The following NUMA1 variants were observed in gnomAD, a reference collection of about 807,000 sequenced individuals.
The protein encoded by NUMA1 is SP-H antigen.
NUMA1 carries 62 observed loss-of-function variants against 237.1 expected under a neutral mutation model. The observed-to-expected ratio is 0.26, with a 90% CI of 0.21 to 0.32. The LOEUF is 0.32. NUMA1 is among the 10% of genes least tolerant of loss of function. The pLI is 1.00. For synonymous variants in NUMA1, 1,028 were observed against 1,066.1 expected, an observed-to-expected ratio of 0.96 and a Z score of 0.70; for missense variants, 2,533 against 2,666.5, an observed-to-expected ratio of 0.95 and a Z score of 1.10.
chr11:72,010,507 T>C (rs556787856), intron 17 of NUMA1, among the ~76,000 whole-genome samples: 21 of 152,224 alleles, frequency 1.4e-4, no homozygotes, highest in Non-Finnish European at 2.6e-4. Context: ...GCTAGTGTGA[T>C]TGAAGAACTG....
At chr11:72,006,478 T>C (rs918635150) in intron 21 of NUMA1, among the ~76,000 whole-genome samples, 1 of 152,210 alleles carries the variant, frequency 6.6e-6, no homozygotes, top group African/African-American at 2.4e-5. Flanking sequence ...CTACGCATTT[T>C]TTTCATGGAG....
chr11:72,015,361 G>A lies in NUMA1; in HGVS notation c.2142C>T (p.Thr714=), dbSNP rs1330885598. ...GCTTCTCCTCTTCAAGGCTGCCCTT[G>A]GTGACCTTCAAGGACTCTTTGAGGG... ...LQALKESLKV[T]KGSLEEEKRR... is the part of the protein sequence containing the mutation. Residue 714 remains threonine, a synonymous_variant, in exon 15 of 27, where the codon ACC becomes ACT. Transcript: ENST00000393695. The surrounding 1 kb of genome is among the most constrained non-coding windows in gnomAD (Gnocchi z 4.0). The A allele has an allele frequency of 6.2e-7, 1 of 1,612,998 alleles. No homozygotes were observed. Among genetic ancestry groups the A allele is most frequent in the Admixed American group, 1.7e-5 (1 of 60,038 alleles).
intron 22 of NUMA1, chr11:72,005,810 G>T: frequency 1.8e-6 from 1 of 566,208 alleles, no homozygotes; most frequent in African/African-American, 1.9e-5. Flanking sequence ...AATTGTGCTG[G>T]GAATCCCGGG....
In NUMA1 at chr11:72,004,917, C is replaced by T. The variant is rs535763868; in HGVS notation, c.5830-101G>A. 132 of 1,194,598 alleles carry T rather than the reference C, an allele frequency of 1.1e-4. No individual in the cohort carries two copies. The Middle Eastern group carries it at 3.0e-3, about 27-fold the overall frequency. 74.0% of individuals were successfully genotyped at this position (1,194,598 alleles called of 1,614,324 possible). A position where few individuals can be genotyped will look rare whatever the true frequency, so the allele number is the denominator to read the frequency against. On this transcript the variant is annotated intron_variant, in intron 23 of 26. Coordinates refer to ENST00000393695, the MANE Select transcript of NUMA1 (RefSeq NM_006185.4). Reference sequence around the variant, plus strand: ...TCTACACTCGCCCGACACTTATGGTCGGGACCCTTCCTGCCTCACGAGGTA... The same window carrying T: ...TCTACACTCGCCCGACACTTATGGTTGGGACCCTTCCTGCCTCACGAGGTA...
chr11:72,017,467 G>A (rs1251465152), intron 13 of NUMA1: 3 of 583,448 alleles, frequency 5.1e-6, no homozygotes, highest in African/African-American at 3.8e-5. Context: ...GGATTGAAAG[G>A]TGTACTATAA....
intron 1 of NUMA1, among the ~76,000 whole-genome samples, chr11:72,074,696 G>A (rs1422210014): frequency 6.6e-6 from 1 of 152,244 alleles, no homozygotes; most frequent in African/African-American, 2.4e-5. Flanking sequence ...CTATGATGAC[G>A]CCACTGCACT....
At position 72,006,071 on chromosome 11, in the gene NUMA1, G is replaced by T; in HGVS notation, c.5656C>A (p.Arg1886Ser). The change falls in exon 22 of 27, where the codon CGT becomes AGT. Residue 1886 changes from arginine to serine, a missense_variant. Transcript: ENST00000393695. ...CCACTGGACACCCCGGCCTGGGAACGACGAGCAGAACTGCGAGTGGTGGGG... is the reference window on the plus strand; with the variant it reads ...CCACTGGACACCCCGGCCTGGGAACTACGAGCAGAACTGCGAGTGGTGGGG... ...YRPTTRSSAR[R>S]SQAGVSSGAP... The T allele has an allele frequency of 6.2e-7, 1 of 1,613,622 alleles. No homozygotes were observed. The highest frequency in any genetic ancestry group is 1.1e-5 in the South Asian group (1 of 91,052).
At chr11:72,059,196 A>G (rs1028298139) in intron 2 of NUMA1, among the ~76,000 whole-genome samples, 1 of 152,198 alleles carries the variant, frequency 6.6e-6, no homozygotes, top group Non-Finnish European at 1.5e-5. Flanking sequence ...CATACCATAT[A>G]ATATGTTCTG....
intron 1 of NUMA1, among the ~76,000 whole-genome samples, chr11:72,073,577 C>T (rs993951415): frequency 8.5e-5 from 13 of 152,126 alleles, no homozygotes; most frequent in Non-Finnish European, 1.2e-4. Flanking sequence ...CAGGGGAGAA[C>T]AAGAAAACTT....
chr11:72,021,225 G>C lies in NUMA1; in HGVS notation c.439C>G (p.Leu147Val). 3 of 1,614,082 alleles carry C rather than the reference G, an allele frequency of 1.9e-6. No individual in the cohort carries two copies. Among genetic ancestry groups the C allele is most frequent in the Non-Finnish European group, 2.5e-6 (3 of 1,179,916 alleles). Reference sequence around the variant, plus strand: ...TTACCTTTCTGTAGGAAGTTCTCTAGGTCCTCATTAAGGTTTAGCCCGTCC... The same window carrying C: ...TTACCTTTCTGTAGGAAGTTCTCTACGTCCTCATTAAGGTTTAGCCCGTCC... ...HEDGLNLNED[L>V]ENFLQKAPVP... is the part of the protein sequence containing the mutation. Residue 147 changes from leucine (L) to valine (V), a missense_variant, in exon 8 of 27, where the codon CTA (leucine) becomes GTA (valine). Around this residue, in one of 3 missense-constraint regions of NUMA1, gnomAD observed 1,414 missense variants for 1,508.1 expected, o/e 0.94. Transcript: ENST00000393695.
At chr11:72,061,705 C>T (rs1425570235) in intron 2 of NUMA1, among the ~76,000 whole-genome samples, 3 of 151,758 alleles carry the variant, frequency 2.0e-5, no homozygotes, top group African/African-American at 7.3e-5. Context: ...TGCCTAAGCT[C>T]ATCTCAAACT....
At chr11:72,057,966 G>T (rs1942752411) in intron 2 of NUMA1, among the ~76,000 whole-genome samples, 2 of 151,536 alleles carry the variant, frequency 1.3e-5, no homozygotes, top group African/African-American at 4.8e-5. Context: ...AGCTACTAGG[G>T]AGGCTGAGGC....
In NUMA1 at chr11:72,012,943, C is replaced by G. The variant is rs377260378; in HGVS notation, c.4560G>C (p.Leu1520=). ...CTTCCTGGAACCGCTGCCTCTCCTC[C>G]AGGACCTTGACCTTGGCACCCTCAT... ...AKYEGAKVKV[L]EERQRFQEER... Residue 1520 remains leucine (L), a synonymous_variant, in exon 15 of 27, where the codon CTG becomes CTC. Transcript: ENST00000393695. 118 of 1,614,088 alleles carry G rather than the reference C, an allele frequency of 7.3e-5. No individual in the cohort carries two copies. The highest frequency in any genetic ancestry group is 1.2e-5 in the Non-Finnish European group (14 of 1,180,054).
intron 6 of NUMA1, 43 bp downstream of exon 6, chr11:72,023,022 C>T (rs749751591): frequency 5.4e-6 from 8 of 1,481,020 alleles, no homozygotes; most frequent in Non-Finnish European, 5.7e-6. Context: ...GTACCATCAC[C>T]CCAACCCTGC....
At chr11:72,018,055 T>C (rs1416397341) in intron 12 of NUMA1, 128 bp downstream of exon 12, 1 of 915,920 alleles carries the variant, frequency 1.1e-6, no homozygotes, top group South Asian at 1.5e-5. Flanking sequence ...GGGCAAAATA[T>C]GCAGGTCTCT....
intron 13 of NUMA1, 164 bp from the exon 14 acceptor site, chr11:72,016,694 A>AG: frequency 1.3e-6 from 1 of 783,160 alleles, no homozygotes; most frequent in African/African-American, 1.7e-5. Flanking sequence ...TGGGAGCATG[A>AG]GGGACCTGAT....
At chr11:72,032,569 A>T (rs917991793) in intron 3 of NUMA1, among the ~76,000 whole-genome samples, 1 of 152,238 alleles carries the variant, frequency 6.6e-6, no homozygotes, top group Non-Finnish European at 1.5e-5. Flanking sequence ...ATCCAGCCAC[A>T]GTTCCTTTCA....
chr11:72,036,478 T>C (rs963864210), intron 2 of NUMA1, among the ~76,000 whole-genome samples: 4 of 152,258 alleles, frequency 2.6e-5, no homozygotes, highest in East Asian at 1.9e-4. Context: ...GCCTGGCACA[T>C]GGTAGGTTGT....
chr11:72,017,488 T>C (rs965278818), intron 13 of NUMA1, 199 bp downstream of exon 13: 9 of 585,378 alleles, frequency 1.5e-5, no homozygotes, highest in East Asian at 5.8e-5. Flanking sequence ...AGTGAGGGCA[T>C]TGACTGGGGA....
Sources: gnomAD v4.1 joint callset for allele counts (sites outside exome capture counted in the v4.1 genomes callset) on GRCh38, gnomAD v4.1.1 for gene constraint, gnomAD v4.1.1 regional missense constraint, Gnocchi (gnomAD v3.1) non-coding constraint, MANE v1.5 for transcripts, NCBI Gene and HGNC (gene_info 2026-07-23, HGNC 2026-07-21) for gene names.